ATP6V1G1: variants seen among roughly 807,000 people sequenced by gnomAD.
ATP6V1G1 encodes ATPase H+ transporting V1 subunit G1.
A neutral mutation model predicts 14.2 loss-of-function variants in ATP6V1G1; 14 were observed. The ratio of observed to expected loss-of-function variants is 0.99; its 90% confidence interval spans 0.65 to 1.55. The LOEUF is 1.55. ATP6V1G1 is among the 40% of genes most tolerant of loss of function. ATP6V1G1 has a pLI of 0.00. For synonymous variants in ATP6V1G1, 65 were observed against 53.3 expected (o/e 1.22, Z -0.96); for missense variants, 137 against 146.4 (o/e 0.94, Z 0.33).
At chr9:114,592,901 G>GT (rs1845196914) in intron 2 of ATP6V1G1, among the ~76,000 whole-genome samples, 1 of 152,222 alleles carries the variant, frequency 6.6e-6, no homozygotes, top group Non-Finnish European at 1.5e-5. Context: ...GCCAGGTACT[G>GT]TGCTAGATGC....
At chr9:114,588,748 C>T (rs1281644745) in intron 1 of ATP6V1G1, among the ~76,000 whole-genome samples, 1 of 152,040 alleles carries the variant, frequency 6.6e-6, no homozygotes, top group Non-Finnish European at 1.5e-5. Context: ...CCGTTCTGGT[C>T]CCCTCCAGTC....
chr9:114,594,535 C>T (rs1457298287), intron 2 of ATP6V1G1, among the ~76,000 whole-genome samples: 4 of 151,976 alleles, frequency 2.6e-5, no homozygotes, highest in African/African-American at 9.7e-5. Flanking sequence ...AGGTGTGCGC[C>T]ACCATGCCCG....
intron 1 of ATP6V1G1, among the ~76,000 whole-genome samples, chr9:114,590,139 A>T (rs963767564): frequency 6.7e-6 from 1 of 149,506 alleles, no homozygotes; most frequent in African/African-American, 2.5e-5. Flanking sequence ...CAGAGGTTGC[A>T]GTGAGCGGAG....
At position 114,598,220 on chromosome 9, in the gene ATP6V1G1, TTGC is replaced by T. The variant is rs1156677577; in HGVS notation, c.*479_*481del. 2 of 152,654 alleles carry T rather than the reference TTGC, an allele frequency of 1.3e-5. No homozygotes were observed. The highest frequency in any genetic ancestry group is 2.4e-5 in the African/African-American group (1 of 41,442). The allele number at this position is 152,654 out of a possible 1,614,324, so 9.5% of individuals were successfully genotyped here. On this transcript the variant is annotated 3_prime_UTR_variant, in exon 3 of 3. Coordinates refer to ENST00000374050, the MANE Select transcript of ATP6V1G1 (RefSeq NM_004888.4). ...CAGCCAGCCTTAAAGTAGTCCATTC[TTGC>T]TAATGGTTAGAACAGTGAATACTAG...
intron 2 of ATP6V1G1, among the ~76,000 whole-genome samples, chr9:114,592,866 C>T (rs945919526): frequency 3.3e-5 from 5 of 152,314 alleles, no homozygotes; most frequent in African/African-American, 4.8e-5. Flanking sequence ...TCATTTAACA[C>T]GTATCTGTTA....
chr9:114,593,766 T>C (rs1264305567), intron 2 of ATP6V1G1, among the ~76,000 whole-genome samples: 1 of 152,094 alleles, frequency 6.6e-6, no homozygotes, highest in Non-Finnish European at 1.5e-5. Context: ...CCCAAAGTGC[T>C]GGATCATCTT....
rs746979228 is a variant in ATP6V1G1 at position 114,587,812 on chromosome 9, T to C, written c.-27T>C. On this transcript the variant is annotated 5_prime_UTR_variant, in exon 1 of 3. Transcript: ENST00000374050. ...GGCCTTCGAGGTGCCTTAGGCCGCTTGCCTTGCTCTCAGAATCGCTGCCGC... is the reference window on the plus strand; with the variant it reads ...GGCCTTCGAGGTGCCTTAGGCCGCTCGCCTTGCTCTCAGAATCGCTGCCGC... The C allele has an allele frequency of 1.3e-6, 2 of 1,568,722 alleles. No homozygotes were observed. Among genetic ancestry groups the C allele is most frequent in the South Asian group, 2.3e-5 (2 of 85,276 alleles).
intron 2 of ATP6V1G1, among the ~76,000 whole-genome samples, chr9:114,595,132 T>G (rs980482007): frequency 6.6e-6 from 1 of 151,798 alleles, no homozygotes; most frequent in African/African-American, 2.4e-5. Context: ...CCTCCCAAAG[T>G]GCAGGGATTA....
At chr9:114,597,147 C>T (rs899467508) in intron 2 of ATP6V1G1, among the ~76,000 whole-genome samples, 4 of 151,628 alleles carry the variant, frequency 2.6e-5, no homozygotes, top group East Asian at 1.9e-4. Context: ...CCCGCTACCA[C>T]GCCCGGCTAA....
At chr9:114,593,001 A>C (rs1564274399) in intron 2 of ATP6V1G1, among the ~76,000 whole-genome samples, 1 of 152,362 alleles carries the variant, frequency 6.6e-6, no homozygotes, top group African/African-American at 2.4e-5. Flanking sequence ...TCAGTAATAC[A>C]GTGCAAATCA....
chr9:114,591,905 A>AT (rs958409419), intron 1 of ATP6V1G1, among the ~76,000 whole-genome samples: 22 of 151,094 alleles, frequency 1.5e-4, no homozygotes, highest in African/African-American at 5.4e-4. Context: ...AAACCTAGAG[A>AT]TTTTTTCCAG....
chr9:114,594,853 CTTTTTTTCTTTTTTT>C (rs1412792475), intron 2 of ATP6V1G1, among the ~76,000 whole-genome samples: 2 of 117,370 alleles, frequency 1.7e-5, no homozygotes, highest in Non-Finnish European at 3.3e-5. Context: ...CTTTTCTTTT[CTTTTTTTCTTTTTTT>C]TTTTTTTTTT....
chr9:114,588,082 A>G (rs930784789), intron 1 of ATP6V1G1, 162 bp downstream of exon 1: 2 of 763,216 alleles, frequency 2.6e-6, no homozygotes, highest in Non-Finnish European at 4.1e-6. Context: ...AGGCTCTGGA[A>G]GGCTTGCGGA....
chr9:114,596,180 G>A (rs1589314125), intron 2 of ATP6V1G1, among the ~76,000 whole-genome samples: 2 of 152,132 alleles, frequency 1.3e-5, no homozygotes, highest in Admixed American at 1.3e-4. Context: ...TCAGGAGATC[G>A]AGACCATCCT....
chr9:114,595,485 C>G (rs1453531044), intron 2 of ATP6V1G1, among the ~76,000 whole-genome samples: 1 of 152,068 alleles, frequency 6.6e-6, no homozygotes, highest in Non-Finnish European at 1.5e-5. Context: ...AACTCTGACT[C>G]TACAAAAAAA....
rs140665180 is a variant in ATP6V1G1 at position 114,598,173 on chromosome 9, C to A, written c.*430C>A. The stretch of plus-strand genomic sequence containing the variant: ...ATCTATGAAAAAGTAGTAAATAGTT[C>A]TTTGTAACCTGTGTGAAGCAGCAGC... On this transcript the variant is annotated 3_prime_UTR_variant, in exon 3 of 3. Coordinates refer to ENST00000374050, the MANE Select transcript of ATP6V1G1 (RefSeq NM_004888.4). 1 of 152,562 alleles carries A rather than the reference C, an allele frequency of 6.6e-6. No individual in the cohort carries two copies. Among genetic ancestry groups the A allele is most frequent in the African/African-American group, 2.4e-5 (1 of 41,464 alleles). 9.5% of individuals were successfully genotyped at this position (152,562 alleles called of 1,614,324 possible). A position where few individuals can be genotyped will look rare whatever the true frequency, so the allele number is the denominator to read the frequency against.
Position 114,587,873 on chromosome 9 carries a change from T to C in ATP6V1G1, c.35T>C (p.Leu12Pro). 6.3e-7 allele frequency: 1 copy of C among 1,594,204 alleles called. No individual in the cohort carries two copies. The highest frequency in any genetic ancestry group is 8.5e-7 in the Non-Finnish European group (1 of 1,171,110). Residue 12 changes from leucine to proline, a missense_variant, in exon 1 of 3, where the codon CTG becomes CCG. By Grantham distance (98) the Leu-to-Pro change is moderately conservative. Transcript: ENST00000374050. ...ASQSQGIQQL[L>P]QAEKRAAEKV... is the part of the protein sequence containing the mutation. ...CAGTCTCAGGGGATTCAGCAGCTGC[T>C]GCAGGCCGAGAAGCGGGCAGCCGAG...
At position 114,592,658 on chromosome 9, in the gene ATP6V1G1, G is replaced by C; in HGVS notation, c.183+6G>C. On this transcript the variant is annotated splice_donor_region_variant and intron_variant, in intron 2 of 2. Coordinates refer to ENST00000374050, the MANE Select transcript of ATP6V1G1 (RefSeq NM_004888.4). ...TCAAGGCCAAGGAAGCTGCGGTGGG[G>C]CACCATTTGTTTTTGTTACTGCTTT... 3 of 1,566,970 alleles carry C rather than the reference G, an allele frequency of 1.9e-6. No homozygotes were observed. The highest frequency in any genetic ancestry group is 2.6e-6 in the Non-Finnish European group (3 of 1,154,742).
intron 2 of ATP6V1G1, among the ~76,000 whole-genome samples, chr9:114,596,346 C>CAG (rs775491674): frequency 2.7e-5 from 4 of 150,386 alleles, no homozygotes; most frequent in Non-Finnish European, 4.4e-5. Flanking sequence ...GGAGATCGCG[C>CAG]CACTGCACTC....
Sources: gnomAD v4.1 joint callset for allele counts (sites outside exome capture counted in the v4.1 genomes callset) on GRCh38, gnomAD v4.1.1 for gene constraint, MANE v1.5 for transcripts, NCBI Gene and HGNC (gene_info 2026-07-23, HGNC 2026-07-21) for gene names.